Variants in NSUN3 observed in about 807,000 individuals in gnomAD.
The protein encoded by NSUN3 is NOP2/Sun RNA methyltransferase 3.
In NSUN3, 24 loss-of-function variants were observed where a neutral mutation model predicts 36.8. That is an observed-to-expected ratio of 0.65 (90% CI 0.47 to 0.92). The LOEUF is 0.92. NSUN3 is among the 40% of genes least tolerant of loss of function. The pLI is 0.00. For missense variants in NSUN3, 381 were observed against 392.8 expected (o/e 0.97, Z 0.25); for synonymous variants, 146 against 145.2 (o/e 1.01, Z -0.04).
chr3:94,096,882 G>A (rs972291629), intron 5 of NSUN3, among the ~76,000 whole-genome samples: 2 of 152,126 alleles, frequency 1.3e-5, no homozygotes, highest in Non-Finnish European at 2.9e-5. Context: ...TCTTGTGATG[G>A]CTTATTAACA....
chr3:94,097,014 CTG>C, intron 5 of NSUN3, among the ~76,000 whole-genome samples: 1 of 152,252 alleles, frequency 6.6e-6, no homozygotes, highest in African/African-American at 2.4e-5. Flanking sequence ...ACCAGGTTTT[CTG>C]TGATATATTC....
chr3:94,110,084 C>G (rs964902063), intron 5 of NSUN3, among the ~76,000 whole-genome samples: 15 of 152,184 alleles, frequency 9.9e-5, no homozygotes, highest in African/African-American at 2.9e-4. Context: ...TTTATTGGGT[C>G]AGGTGTAAAA....
chr3:94,068,492 T>G (rs1280566276), intron 2 of NSUN3, among the ~76,000 whole-genome samples: 1 of 152,190 alleles, frequency 6.6e-6, no homozygotes, highest in African/African-American at 2.4e-5. Flanking sequence ...TTCCCAGTTT[T>G]GTCAGTGTTT....
At chr3:94,125,878 G>A (rs2077483303) in intron 5 of NSUN3, among the ~76,000 whole-genome samples, 1 of 152,212 alleles carries the variant, frequency 6.6e-6, no homozygotes, top group East Asian at 1.9e-4. Context: ...TGACCAACTT[G>A]GTGAAACCCC....
At chr3:94,071,747 G>T (rs557406040) in intron 2 of NSUN3, among the ~76,000 whole-genome samples, 1 of 152,164 alleles carries the variant, frequency 6.6e-6, no homozygotes, top group African/African-American at 2.4e-5. Flanking sequence ...AAATGGAGCC[G>T]CTTCAGACTA....
intron 2 of NSUN3, chr3:94,076,470 G>C: frequency 1.3e-6 from 1 of 787,726 alleles, no homozygotes; most frequent in Non-Finnish European, 2.3e-6. Context: ...TTATGGAACA[G>C]ATGCCAGGAA....
rs58594152 is a variant in NSUN3, at chr3:94,081,067, G to A, written c.123-3040G>A. 5.4e-3 allele frequency among the ~76,000 whole-genome samples: 823 copies of A among 152,322 alleles called. 6 individuals are homozygous for A. Among genetic ancestry groups the A allele is most frequent in the African/African-American group, 0.014 (592 of 41,564 alleles). On this transcript the variant is annotated intron_variant, in intron 2 of 5. Transcript: ENST00000314622. Reference sequence around the variant, plus strand: ...GGCACCGAAGGGAATCTCCTGGCCTGCAGGTTGCATAGACCATGGGGAAAG... The same window carrying A: ...GGCACCGAAGGGAATCTCCTGGCCTACAGGTTGCATAGACCATGGGGAAAG...
chr3:94,072,536 G>A (rs1262695627), intron 2 of NSUN3, among the ~76,000 whole-genome samples: 4 of 152,126 alleles, frequency 2.6e-5, no homozygotes, highest in African/African-American at 7.2e-5. Context: ...GAAAGACTTC[G>A]TTGGAGAGAG....
chr3:94,082,468 C>T (rs556733510), intron 2 of NSUN3, among the ~76,000 whole-genome samples: 139 of 152,214 alleles, frequency 9.1e-4, no homozygotes, highest in African/African-American at 3.3e-3. Context: ...ACGCCAGGCT[C>T]CTGTGACTCA....
intron 2 of NSUN3, chr3:94,075,806 A>G (rs1156525124): frequency 7.1e-5 from 57 of 803,606 alleles, no homozygotes; most frequent in Non-Finnish European, 1.0e-4. Context: ...TATTATATAG[A>G]GGGATACCTG....
intron 5 of NSUN3, among the ~76,000 whole-genome samples, chr3:94,123,266 G>A (rs1021484886): frequency 6.6e-6 from 1 of 152,100 alleles, no homozygotes; most frequent in African/African-American, 2.4e-5. Flanking sequence ...TATGTTGCAT[G>A]CACTCTTTTC....
At chr3:94,115,227 T>C (rs915294805) in intron 5 of NSUN3, among the ~76,000 whole-genome samples, 4 of 152,218 alleles carry the variant, frequency 2.6e-5, no homozygotes, top group African/African-American at 9.6e-5. Flanking sequence ...ATTAAATGGT[T>C]ACAATGGACC....
Position 94,126,435 on chromosome 3 carries a change from G to A in NSUN3, c.968G>A (p.Trp323Ter), listed in dbSNP as rs369273000. 3.1e-6 allele frequency: 5 copies of A among 1,613,822 alleles called. No homozygotes were observed. Among genetic ancestry groups the A allele is most frequent in the Non-Finnish European group, 4.2e-6 (5 of 1,179,818 alleles). The change falls in exon 6 of 6, where the codon TGG becomes TAG. Residue 323 changes from tryptophan to a stop codon, truncating the protein, a stop_gained. Coordinates refer to ENST00000314622, the MANE Select transcript of NSUN3 (RefSeq NM_022072.5). LOFTEE classifies it high-confidence loss of function. ...GTGATTCCAGATAAGGGCAAAGCCT[G>A]GGGCCCAATGTATGTAGCCAAATTG... Reference protein sequence around the residue: ...LLVIPDKGKAWGPMYVAKLKK... With the variant: ...LLVIPDKGKA
intron 3 of NSUN3, among the ~76,000 whole-genome samples, chr3:94,090,572 G>T (rs1308418630): frequency 6.6e-6 from 1 of 152,126 alleles, no homozygotes; most frequent in African/African-American, 2.4e-5. Context: ...ATAGAGGTAA[G>T]GGATATAGAA....
At chr3:94,097,569 AT>A (rs2077347966) in intron 5 of NSUN3, among the ~76,000 whole-genome samples, 1 of 151,964 alleles carries the variant, frequency 6.6e-6, no homozygotes, top group Admixed American at 6.6e-5. Context: ...GTCTGCTAGC[AT>A]TTTTCTTGAT....
At chr3:94,089,421 A>G (rs955232088) in intron 3 of NSUN3, among the ~76,000 whole-genome samples, 1 of 152,214 alleles carries the variant, frequency 6.6e-6, no homozygotes, top group African/African-American at 2.4e-5. Context: ...CCAAACAGAT[A>G]AAAACATTTG....
intron 3 of NSUN3, among the ~76,000 whole-genome samples, chr3:94,087,957 C>T (rs1193975889): frequency 6.6e-6 from 1 of 152,208 alleles, no homozygotes; most frequent in Non-Finnish European, 1.5e-5. Flanking sequence ...ATGTGAGCCA[C>T]TGAGCCCAAT....
intron 2 of NSUN3, among the ~76,000 whole-genome samples, chr3:94,082,899 G>C (rs2077275802): frequency 1.3e-5 from 2 of 152,086 alleles, no homozygotes; most frequent in South Asian, 4.1e-4. Flanking sequence ...CATTACTGTA[G>C]AGTTCACTGT....
chr3:94,105,257 T>A (rs983740289), intron 5 of NSUN3, among the ~76,000 whole-genome samples: 2 of 152,174 alleles, frequency 1.3e-5, no homozygotes, highest in African/African-American at 4.8e-5. Flanking sequence ...ACGACTTTTA[T>A]GATCCAAAGG....
Sources: gnomAD v4.1 joint callset for allele counts (sites outside exome capture counted in the v4.1 genomes callset) on GRCh38, gnomAD v4.1.1 for gene constraint, MANE v1.5 for transcripts, NCBI Gene and HGNC (gene_info 2026-07-23, HGNC 2026-07-21) for gene names.